The following SUSD1 variants were observed in gnomAD, a reference collection of about 807,000 sequenced individuals.
SUSD1 encodes the protein sushi domain containing 1, also known as sushi domain-containing protein 1.
Under a neutral mutation model 86.9 loss-of-function variants are expected in SUSD1, and 65 were observed. The observed-to-expected ratio is 0.75, with a 90% confidence interval of 0.61 to 0.92. The LOEUF is 0.92. Among genes scored for constraint, SUSD1 ranks in the 40% least tolerant of loss-of-function variants. SUSD1 has a pLI of 0.00. For synonymous variants in SUSD1, 346 were observed against 350.0 expected, an observed-to-expected ratio of 0.99 and a Z score of 0.13; for missense variants, 850 against 929.7, an observed-to-expected ratio of 0.91 and a Z score of 1.11.
rs770433771 is a variant in SUSD1, at chr9:112,098,619, T to G, written c.1325A>C (p.His442Pro). Residue 442 changes from histidine (H) to proline (P), a missense_variant, in exon 10 of 17, where the codon CAT (histidine) becomes CCT (proline). His to Pro is a moderately conservative substitution (Grantham distance 77). Transcript: ENST00000374270. ...CGTTGTGAAGTTAAACGATGTTGCA[T>G]GAGAAAAGTTAGCCAGATACCACCT... ...GQRWYLANFS[H>P]ATSFNFTTRE... The G allele has an allele frequency of 4.3e-6, 7 of 1,614,074 alleles. No individual in the cohort carries two copies. In the South Asian group the frequency reaches 7.7e-5, roughly 18 times the overall value.
At chr9:112,105,193 T>C (rs939051625) in intron 8 of SUSD1, among the ~76,000 whole-genome samples, 2 of 152,160 alleles carry the variant, frequency 1.3e-5, no homozygotes, top group African/African-American at 4.8e-5. Context: ...AAAATGCATA[T>C]TTGTGTAAGT....
At chr9:112,092,401 T>C (rs1374313954) in intron 10 of SUSD1, among the ~76,000 whole-genome samples, 1 of 152,218 alleles carries the variant, frequency 6.6e-6, no homozygotes, top group Non-Finnish European at 1.5e-5. Flanking sequence ...AATCAGAAAT[T>C]TCTAACTGAT....
chr9:112,043,098 G>A (rs1589564352), intron 15 of SUSD1, among the ~76,000 whole-genome samples: 1 of 152,254 alleles, frequency 6.6e-6, no homozygotes, highest in East Asian at 1.9e-4. Flanking sequence ...AAACAAAGAC[G>A]ATAATAGCCC....
At chr9:112,131,998 T>A (rs569519480) in intron 5 of SUSD1, among the ~76,000 whole-genome samples, 1 of 152,340 alleles carries the variant, frequency 6.6e-6, no homozygotes, top group African/African-American at 2.4e-5. Flanking sequence ...ATATCTCATA[T>A]CTTGAAGATA....
rs573803724 is a variant in SUSD1 at position 112,173,726 on chromosome 9, T to C, written c.103+1407A>G. ...CAAGAGCTGACACCCTTTGGAATCT[T>C]GGGCTTAACCTCCTTGGGGTTTATG... On this transcript the variant is annotated intron_variant, in intron 1 of 16. Coordinates refer to ENST00000374270, the MANE Select transcript of SUSD1 (RefSeq NM_022486.5). 12 of 400,082 alleles carry C rather than the reference T, an allele frequency of 3.0e-5. No individual in the cohort carries two copies. In the East Asian group the frequency reaches 7.6e-4, roughly 25 times the overall value. 24.8% of individuals were successfully genotyped at this position (400,082 alleles called of 1,614,324 possible).
At chr9:112,043,574 C>G (rs1589565064) in intron 15 of SUSD1, among the ~76,000 whole-genome samples, 3 of 152,070 alleles carry the variant, frequency 2.0e-5, no homozygotes, top group East Asian at 3.9e-4. Context: ...ACAGTTGGCT[C>G]TGTGTGAATT....
chr9:112,172,743 C>T (rs1834098123), intron 1 of SUSD1, among the ~76,000 whole-genome samples: 1 of 152,186 alleles, frequency 6.6e-6, no homozygotes, highest in Non-Finnish European at 1.5e-5. Context: ...TTCCACCTTA[C>T]TGTCTACATT....
intron 10 of SUSD1, among the ~76,000 whole-genome samples, chr9:112,090,549 G>C (rs1830163560): frequency 6.7e-6 from 1 of 149,260 alleles, no homozygotes; most frequent in African/African-American, 2.4e-5. Context: ...ACCTGATAAA[G>C]AGTGTCAAAA....
chr9:112,165,923 AAAG>A (rs142891988), intron 1 of SUSD1, among the ~76,000 whole-genome samples: 5,513 of 98,912 alleles, frequency 0.056, 627 homozygotes, highest in African/African-American at 0.15. Flanking sequence ...GGAAGAAAGA[AAAG>A]AAAGAAAGAA....
At position 112,102,235 on chromosome 9, in the gene SUSD1, C is replaced by T; in HGVS notation, c.1222G>A (p.Glu408Lys). ...CGCCTGTTCAATTTCAAACAAGTTT[C>T]ATTAAATATTGAAATATTGAAACTT... is the stretch of plus-strand genomic sequence containing the variant. ...DGSFNISIFN[E>K]TCLKLNRRSR... Residue 408 changes from glutamate to lysine, a missense_variant, in exon 9 of 17, where the codon GAA (glutamate) becomes AAA (lysine). By Grantham distance (56) the Glu-to-Lys change is moderately conservative. Transcript: ENST00000374270. 6 of 1,603,900 alleles carry T rather than the reference C, an allele frequency of 3.7e-6. No homozygotes were observed. Among genetic ancestry groups the T allele is most frequent in the Non-Finnish European group, 4.3e-6 (5 of 1,175,352 alleles).
chr9:112,094,258 A>G (rs1032703461), intron 10 of SUSD1, among the ~76,000 whole-genome samples: 2 of 152,244 alleles, frequency 1.3e-5, no homozygotes, highest in African/African-American at 4.8e-5. Context: ...GCTAGATATT[A>G]GTAGACAACA....
Position 112,098,941 on chromosome 9 carries a change from C to T in SUSD1, c.1282-279G>A, listed in dbSNP as rs76686706. The stretch of plus-strand genomic sequence containing the variant: ...TTCCAAAATAATCCCTTGATTATAA[C>T]GCAAGTGAAAGAGATTACATTGGAG... On this transcript the variant is annotated intron_variant, in intron 9 of 16. Transcript: ENST00000374270. Among the ~76,000 whole-genome samples, 1,212 of 152,076 alleles carry T rather than the reference C, an allele frequency of 8.0e-3. 37 individuals carry two copies. Among genetic ancestry groups the T allele is most frequent in the African/African-American group, 5.6e-3 (234 of 41,468 alleles).
intron 2 of SUSD1, 82 bp downstream of exon 2, chr9:112,157,418 C>A: frequency 3.3e-6 from 3 of 911,810 alleles, no homozygotes; most frequent in South Asian, 3.3e-5. Context: ...AATGTTTTTC[C>A]CCAAGGACAT....
At chr9:112,059,912 A>T (rs1298016440) in intron 13 of SUSD1, among the ~76,000 whole-genome samples, 2 of 152,144 alleles carry the variant, frequency 1.3e-5, no homozygotes, top group Non-Finnish European at 2.9e-5. Context: ...AAATCCTTGC[A>T]CAGTTCTTTG....
intron 10 of SUSD1, among the ~76,000 whole-genome samples, 200 bp from the exon 11 acceptor site, chr9:112,080,365 G>A (rs1326646227): frequency 6.6e-6 from 1 of 152,140 alleles, no homozygotes; most frequent in Non-Finnish European, 1.5e-5. Flanking sequence ...CAGATCCAAA[G>A]ATACCTAATC....
chr9:112,132,238 T>C (rs1832064753), intron 5 of SUSD1, among the ~76,000 whole-genome samples: 1 of 152,014 alleles, frequency 6.6e-6, no homozygotes, highest in South Asian at 2.1e-4. Context: ...TGTTTAGAGA[T>C]CAATAAATAA....
intron 1 of SUSD1, among the ~76,000 whole-genome samples, chr9:112,158,672 G>C (rs1833443286): frequency 6.6e-6 from 1 of 152,168 alleles, no homozygotes; most frequent in African/African-American, 2.4e-5. Flanking sequence ...GATTATAGGT[G>C]TGAGCCAATG....
intron 10 of SUSD1, among the ~76,000 whole-genome samples, chr9:112,093,727 C>T (rs1403424174): frequency 6.6e-6 from 1 of 152,168 alleles, no homozygotes; most frequent in Admixed American, 6.5e-5. Context: ...GATATACTGA[C>T]TGGGGCCTTG....
intron 3 of SUSD1, 34 bp from the exon 4 acceptor site, chr9:112,143,657 AAAAACAG>A: frequency 1.3e-6 from 2 of 1,553,346 alleles, no homozygotes; most frequent in Non-Finnish European, 1.7e-6. Flanking sequence ...AAAAGGAGAT[AAAAACAG>A]AAAAAAGAAA....
Sources: allele counts gnomAD v4.1 joint callset (sites outside exome capture counted in the v4.1 genomes callset), GRCh38; gene constraint gnomAD v4.1.1; transcripts MANE v1.5; gene names NCBI Gene and HGNC (gene_info 2026-07-23, HGNC 2026-07-21).